KDM6A: variants seen among roughly 807,000 people sequenced by gnomAD.
The protein encoded by KDM6A is lysine-specific demethylase 6A.
In KDM6A, 11 loss-of-function variants were observed where a neutral mutation model predicts 117.6. That is an observed-to-expected ratio of 0.09 (90% CI 0.06 to 0.15). The LOEUF is 0.15. Among genes scored for constraint, KDM6A ranks in the 10% least tolerant of loss-of-function variants. KDM6A has a pLI of 1.00. For missense variants in KDM6A, 799 were observed against 1,077.3 expected, an observed-to-expected ratio of 0.74 and a Z score of 3.62; for synonymous variants, 384 against 396.1, an observed-to-expected ratio of 0.97 and a Z score of 0.36.
intron 2 of KDM6A, among the ~76,000 whole-genome samples, chrX:44,931,212 G>A (rs1227617847): frequency 9.0e-6 from 1 of 110,841 alleles, no homozygotes; most frequent in East Asian, 2.8e-4. Context: ...CTACAGGCAC[G>A]CACCACCATG....
chrX:44,992,663 G>C, intron 4 of KDM6A, among the ~76,000 whole-genome samples: 1 of 108,635 alleles, frequency 9.2e-6, no homozygotes, highest in Non-Finnish European at 1.9e-5. Flanking sequence ...CGATTCTCCT[G>C]CTTCAACCTC....
chrX:44,922,088 GCTGGAGTT>G, intron 2 of KDM6A, among the ~76,000 whole-genome samples: 1 of 79,428 alleles, frequency 1.3e-5, no homozygotes, highest in African/African-American at 4.8e-5. Context: ...TGTTGCCCAG[GCTGGAGTT>G]CAGTGGCACA....
At chrX:44,951,011 C>T (rs1259936526) in intron 2 of KDM6A, among the ~76,000 whole-genome samples, 1 of 110,284 alleles carries the variant, frequency 9.1e-6, no homozygotes, top group East Asian at 2.8e-4. Context: ...TTTTACGTGC[C>T]CATCTTACCT....
intron 2 of KDM6A, among the ~76,000 whole-genome samples, chrX:44,896,410 C>G (rs2033858371): frequency 9.0e-6 from 1 of 111,422 alleles, no homozygotes; most frequent in African/African-American, 3.3e-5. Context: ...CTTACATTCT[C>G]TACATACATT....
intron 4 of KDM6A, among the ~76,000 whole-genome samples, chrX:44,984,488 G>T (rs1369810921): frequency 2.7e-5 from 3 of 111,349 alleles, no homozygotes; most frequent in African/African-American, 6.5e-5. Context: ...TCCTTGCCCA[G>T]GCCTGTGTCC....
At chrX:45,039,503 ATTTTTTTTTT>A (rs756202597) in intron 8 of KDM6A, among the ~76,000 whole-genome samples, 24 of 61,253 alleles carry the variant, frequency 3.9e-4, no homozygotes, top group East Asian at 3.7e-3. Context: ...TCATTTGATA[ATTTTTTTTTT>A]TTTTTTTTTT....
At chrX:45,003,532 T>C (rs2041258525) in intron 4 of KDM6A, among the ~76,000 whole-genome samples, 1 of 109,706 alleles carries the variant, frequency 9.1e-6, no homozygotes, top group African/African-American at 3.3e-5. Context: ...AGGCTACGAG[T>C]TGTCAGTGGC....
chrX:45,082,370 G>A (rs1255537042), intron 21 of KDM6A: 5 of 410,270 alleles, frequency 1.2e-5, no homozygotes, highest in Non-Finnish European at 2.1e-5. Context: ...GGAGGCAGAG[G>A]TTGCAGTGAG....
chrX:44,926,396 TTAAA>T lies in KDM6A; in HGVS notation c.226-34884_226-34881del, dbSNP rs1292313395. On this transcript the variant is annotated intron_variant, in intron 2 of 29. Coordinates refer to ENST00000611820, the MANE Select transcript of KDM6A (RefSeq NM_001291415.2). ...CCGGCCAAGGATGTTTTAATACTGT[TTAAA>T]TAAGATGTATTTAATTATCATGGGT... 3.3e-4 allele frequency among the ~76,000 whole-genome samples: 37 copies of T among 111,436 alleles called. No individual in the cohort carries two copies. The Admixed American group carries it at 3.4e-3, about 10-fold the overall frequency.
intron 27 of KDM6A, 178 bp from the exon 28 acceptor site, chrX:45,107,232 C>T: frequency 2.2e-6 from 1 of 464,026 alleles, no homozygotes; most frequent in East Asian, 3.9e-5. Flanking sequence ...TTCATCAGGC[C>T]TGCTGAGCAT....
intron 2 of KDM6A, among the ~76,000 whole-genome samples, chrX:44,888,340 G>C (rs2033069786): frequency 8.9e-6 from 1 of 111,926 alleles, no homozygotes; most frequent in Non-Finnish European, 1.9e-5. Flanking sequence ...TGAGTTTTAG[G>C]ACCTGCTGTG....
At chrX:44,886,582 C>T (rs991163988) in intron 2 of KDM6A, among the ~76,000 whole-genome samples, 1 of 107,173 alleles carries the variant, frequency 9.3e-6, no homozygotes, top group African/African-American at 3.4e-5. Flanking sequence ...TTCTGCCTCC[C>T]GGGTTCAAGC....
chrX:44,961,704 G>A (rs187172144), intron 3 of KDM6A, among the ~76,000 whole-genome samples: 11 of 111,855 alleles, frequency 9.8e-5, no homozygotes, highest in Admixed American at 4.8e-4. Context: ...CTTTGGAAAG[G>A]TAACAAAAAC....
chrX:44,979,553 G>A lies in KDM6A; in HGVS notation c.384+4838G>A, dbSNP rs1410257390. Among the ~76,000 whole-genome samples the A allele has an allele frequency of 3.6e-5, 4 of 111,320 alleles. No homozygotes were observed. In the East Asian group the frequency reaches 1.1e-3, roughly 31 times the overall value. On this transcript the variant is annotated intron_variant, in intron 4 of 29. Transcript: ENST00000611820. ...TTCATCTTTTCATTTTCTTACTAGT[G>A]TCTTTTGAAGAGCAAATGTTTATTG...
rs2043748902 is a variant in KDM6A at position 45,049,754 on chromosome X, G to C, written c.655-1955G>C. Among the ~76,000 whole-genome samples the C allele has an allele frequency of 2.7e-5, 3 of 112,000 alleles. No individual in the cohort carries two copies. In the South Asian group the frequency reaches 1.1e-3, roughly 41 times the overall value. On this transcript the variant is annotated intron_variant, in intron 8 of 29. Transcript: ENST00000611820. ...TTGTGAAGTAGTCTTTGCATTTTCT[G>C]TCCAGCCTGCTAGTACTCTAAACTT...
chrX:44,876,785 A>T (rs1408112644), intron 2 of KDM6A, among the ~76,000 whole-genome samples: 1 of 110,424 alleles, frequency 9.1e-6, no homozygotes, highest in Non-Finnish European at 1.9e-5. Context: ...GTTAAAAAAA[A>T]CTCTTGACCT....
At chrX:45,083,322 G>A (rs1602953246) in intron 23 of KDM6A, 138 bp from the exon 24 acceptor site, 3 of 542,513 alleles carry the variant, frequency 5.5e-6, no homozygotes, top group East Asian at 7.7e-5. Flanking sequence ...AAAAATTTAA[G>A]CATTTTCTTA....
chrX:45,059,081 T>C lies in KDM6A; in HGVS notation c.951T>C (p.Ser317=), dbSNP rs1247290410. ...AGTCTATTGATAAATCAGAAGCAAG[T>C]GCAGATACATGGTGTTCAATAGGGT... ...YRQSIDKSEA[S]ADTWCSIGVL... Residue 317 remains serine (S), a synonymous_variant, in exon 11 of 30, where the codon AGT becomes AGC. Transcript: ENST00000611820. 8.3e-7 allele frequency: 1 copy of C among 1,208,398 alleles called. No homozygotes were observed. Among genetic ancestry groups the C allele is most frequent in the East Asian group, 3.0e-5 (1 of 33,787 alleles).
intron 8 of KDM6A, among the ~76,000 whole-genome samples, chrX:45,051,387 G>A (rs148365915): frequency 1.8e-5 from 2 of 111,463 alleles, no homozygotes; most frequent in East Asian, 5.6e-4. Context: ...GGTAGAATAC[G>A]TCTAATGTTA....
Sources: gnomAD v4.1 joint callset for allele counts (sites outside exome capture counted in the v4.1 genomes callset) on GRCh38, gnomAD v4.1.1 for gene constraint, MANE v1.5 for transcripts, NCBI Gene and HGNC (gene_info 2026-07-23, HGNC 2026-07-21) for gene names.